TJP1: variants seen among roughly 807,000 people sequenced by gnomAD.
TJP1 encodes the protein tight junction protein 1.
TJP1 carries 43 observed loss-of-function variants against 194.2 expected under a neutral mutation model. The observed-to-expected ratio is 0.22, with a 90% CI of 0.17 to 0.29. The LOEUF (loss-of-function observed/expected upper bound fraction) is 0.29. TJP1 is among the 10% of genes least tolerant of loss of function. The pLI, the probability that TJP1 is intolerant of heterozygous loss-of-function variation, is 1.00. For missense variants in TJP1, 1,971 were observed against 2,185.7 expected (o/e 0.90, Z 1.96); for synonymous variants, 801 against 779.0 (o/e 1.03, Z -0.47).
chr15:29,736,699 T>C lies in TJP1; in HGVS notation c.1407+565A>G, dbSNP rs115108595. 2.3e-3 allele frequency among the ~76,000 whole-genome samples: 352 copies of C among 152,358 alleles called. 2 individuals carry two copies. The highest frequency in any genetic ancestry group is 7.6e-3 in the African/African-American group (315 of 41,586). On this transcript the variant is annotated intron_variant, in intron 11 of 27. Coordinates refer to ENST00000614355, the MANE Select transcript of TJP1 (RefSeq NM_001330239.4). ...ACTCTGCATCTAACCTGGGCTTTCC[T>C]GATTTGTGTAACTAATCCTGTCTCT...
chr15:29,745,825 G>A (rs2151384069), intron 8 of TJP1, among the ~76,000 whole-genome samples: 1 of 152,256 alleles, frequency 6.6e-6, no homozygotes, highest in African/African-American at 2.4e-5. Flanking sequence ...TTGTTCAACT[G>A]AAATAATTTA....
At chr15:29,950,565 C>T (rs935595769) in intron 2 of TJP1, among the ~76,000 whole-genome samples, 15 of 152,192 alleles carry the variant, frequency 9.9e-5, no homozygotes, top group African/African-American at 2.9e-4. Context: ...ATGCTCCCTG[C>T]AGTTTCTTCC....
At chr15:29,798,101 T>C (rs1567048656) in intron 2 of TJP1, among the ~76,000 whole-genome samples, 7 of 152,166 alleles carry the variant, frequency 4.6e-5, no homozygotes, top group Middle Eastern at 3.4e-3. Flanking sequence ...AGCCTCCAAG[T>C]AGCTGGGACT....
intron 2 of TJP1, among the ~76,000 whole-genome samples, chr15:29,946,681 A>G (rs1419020543): frequency 2.6e-5 from 4 of 152,356 alleles, no homozygotes; most frequent in South Asian, 4.1e-4. Context: ...TGCCCCTTTC[A>G]TGGCCTAACT....
At chr15:29,962,969 G>A (rs763299684) in intron 1 of TJP1, among the ~76,000 whole-genome samples, 1 of 152,086 alleles carries the variant, frequency 6.6e-6, no homozygotes, top group African/African-American at 2.4e-5. Context: ...GTGAAACCCC[G>A]TCTCTACTAA....
intron 1 of TJP1, among the ~76,000 whole-genome samples, chr15:29,811,234 A>G (rs534644963): frequency 6.6e-6 from 1 of 152,210 alleles, no homozygotes; most frequent in South Asian, 2.1e-4. Flanking sequence ...CTTTTACTCT[A>G]AAGGTAGTTA....
intron 2 of TJP1, among the ~76,000 whole-genome samples, chr15:29,787,129 T>C (rs1413786335): frequency 2.0e-5 from 3 of 152,194 alleles, no homozygotes; most frequent in Admixed American, 1.3e-4. Flanking sequence ...TTTACTGATA[T>C]ATAATTCATA....
chr15:29,934,149 A>G (rs552060092), intron 2 of TJP1, among the ~76,000 whole-genome samples: 5 of 152,368 alleles, frequency 3.3e-5, no homozygotes, highest in Non-Finnish European at 4.4e-5. Context: ...CCAGTTAAGC[A>G]CTGACATAAA....
chr15:29,719,302 G>C (rs1425817404), intron 20 of TJP1, among the ~76,000 whole-genome samples, 164 bp from the exon 21 acceptor site: 1 of 152,178 alleles, frequency 6.6e-6, no homozygotes, highest in Non-Finnish European at 1.5e-5. Flanking sequence ...TGGTTTAAGT[G>C]AAAGCTCAAA....
At chr15:29,956,382 A>T in intron 1 of TJP1, 1 of 1,283,392 alleles carries the variant, frequency 7.8e-7, no homozygotes. Flanking sequence ...AAAGAAAAAA[A>T]TTCTTAAAAA....
chr15:29,873,476 AACTCT>A (rs1338738086), intron 2 of TJP1, among the ~76,000 whole-genome samples: 1 of 152,214 alleles, frequency 6.6e-6, no homozygotes, highest in Admixed American at 6.5e-5. Flanking sequence ...TGGCTGCTAC[AACTCT>A]GTGTGCAAGA....
chr15:29,855,770 C>T (rs1053598288), intron 2 of TJP1, among the ~76,000 whole-genome samples: 3 of 151,796 alleles, frequency 2.0e-5, no homozygotes, highest in South Asian at 2.1e-4. Context: ...GCACGAGAAT[C>T]GCTTGAACTC....
intron 2 of TJP1, among the ~76,000 whole-genome samples, chr15:29,796,397 T>A (rs2048411837): frequency 2.8e-5 from 2 of 70,824 alleles, no homozygotes; most frequent in African/African-American, 4.1e-5. Context: ...AACAATCAAA[T>A]ATTGAAATGA....
chr15:29,794,216 A>C (rs1281940401), intron 2 of TJP1, among the ~76,000 whole-genome samples: 3 of 152,114 alleles, frequency 2.0e-5, no homozygotes, highest in African/African-American at 7.2e-5. Flanking sequence ...TCCTGGAGGG[A>C]TGGCTGGTGA....
At chr15:29,747,195 G>A (rs943388261) in intron 8 of TJP1, among the ~76,000 whole-genome samples, 1 of 152,144 alleles carries the variant, frequency 6.6e-6, no homozygotes, top group African/African-American at 2.4e-5. Flanking sequence ...TGAGGCACAA[G>A]AATCGCTTAA....
rs550875903 is a variant in TJP1 at position 29,913,975 on chromosome 15, T to G, written c.306+42257A>C. Among the ~76,000 whole-genome samples the G allele has an allele frequency of 2.6e-5, 4 of 152,326 alleles. No individual in the cohort carries two copies. In the South Asian group the frequency reaches 8.3e-4, roughly 32 times the overall value. On this transcript the variant is annotated intron_variant, in intron 2 of 28. Transcript: ENST00000356107. The stretch of plus-strand genomic sequence containing the variant: ...GAGAAAACAATCTTCAAAGCCTTTC[T>G]CAGAGTGAGTTCGCTCTCCGGAGGC...
intron 2 of TJP1, among the ~76,000 whole-genome samples, chr15:29,929,709 A>AAAAT (rs1338808308): frequency 2.0e-5 from 3 of 152,124 alleles, no homozygotes; most frequent in Non-Finnish European, 2.9e-5. Flanking sequence ...AATAAAATTA[A>AAAAT]AAATAAATAA....
chr15:29,901,263 T>C (rs149167565), intron 2 of TJP1, among the ~76,000 whole-genome samples: 1 of 152,340 alleles, frequency 6.6e-6, no homozygotes, highest in East Asian at 1.9e-4. Context: ...AAGATCGCAA[T>C]GTGTACACAG....
rs545390610 is a variant in TJP1 at position 29,813,640 on chromosome 15, C to CTA, written c.27+8360_27+8361dup. 2.2e-3 allele frequency among the ~76,000 whole-genome samples: 328 copies of CTA among 152,152 alleles called. 4 individuals are homozygous for CTA. Among genetic ancestry groups the CTA allele is most frequent in the Middle Eastern group, 6.8e-3 (2 of 294 alleles). ...TTCAGAATGCATAATTAGGTGGTAACTATAAAGAAAAACTAGAAAATGAGA... is the reference window on the plus strand; with the variant it reads ...TTCAGAATGCATAATTAGGTGGTAACTATATAAAGAAAAACTAGAAAATGAGA... On this transcript the variant is annotated intron_variant, in intron 1 of 27. Coordinates refer to ENST00000614355, the MANE Select transcript of TJP1 (RefSeq NM_001330239.4).
Sources: gnomAD v4.1 joint callset for allele counts (sites outside exome capture counted in the v4.1 genomes callset) on GRCh38, gnomAD v4.1.1 for gene constraint, MANE v1.5 for transcripts, NCBI Gene and HGNC (gene_info 2026-07-23, HGNC 2026-07-21) for gene names.